Variants in PLEKHA8 observed in about 807,000 individuals in gnomAD.
PLEKHA8 encodes pleckstrin homology domain-containing family A member 8.
Under a neutral mutation model 68.2 loss-of-function variants are expected in PLEKHA8, and 36 were observed. The observed-to-expected ratio is 0.53, with a 90% CI of 0.40 to 0.70. The LOEUF (loss-of-function observed/expected upper bound fraction) is 0.70, where lower values mean the gene tolerates loss of function less well. Ranked by LOEUF, PLEKHA8 falls within the 30% of genes least tolerant of loss-of-function variation. PLEKHA8 has a pLI of 0.00. For synonymous variants in PLEKHA8, 211 were observed against 216.1 expected, an observed-to-expected ratio of 0.98 and a Z score of 0.20; for missense variants, 505 against 615.4, an observed-to-expected ratio of 0.82 and a Z score of 1.90.
At chr7:30,115,678 GCA>G (rs1437248469) in intron 13 of PLEKHA8, among the ~76,000 whole-genome samples, 1 of 149,238 alleles carries the variant, frequency 6.7e-6, no homozygotes, top group South Asian at 2.1e-4. Flanking sequence ...GTATACATAC[GCA>G]CATACATGCA....
rs1052000126 is a variant in PLEKHA8, at chr7:30,079,755, C to G, written c.*968C>G. 1 of 691,136 alleles carries G rather than the reference C, an allele frequency of 1.4e-6. No homozygotes were observed. Among genetic ancestry groups the G allele is most frequent in the Non-Finnish European group, 1.8e-6 (1 of 562,030 alleles). The allele number at this position is 691,136 out of a possible 1,614,324, so 42.8% of individuals were successfully genotyped here. A position where few individuals can be genotyped will look rare whatever the true frequency, so the allele number is the denominator to read the frequency against. Reference sequence around the variant, plus strand: ...CCAGGCCTTATTTTGGCCTAAAGAACCAGAGTCTAGGTGGTGGGACATAGG... The same window carrying G: ...CCAGGCCTTATTTTGGCCTAAAGAAGCAGAGTCTAGGTGGTGGGACATAGG... On this transcript the variant is annotated 3_prime_UTR_variant, in exon 14 of 14. Coordinates refer to ENST00000449726, the MANE Select transcript of PLEKHA8 (RefSeq NM_001197026.2).
At chr7:30,086,532 T>C (rs1020287758), downstream of PLEKHA8, among the ~76,000 whole-genome samples, 1 of 152,202 alleles carries the variant, frequency 6.6e-6, no homozygotes, top group Non-Finnish European at 1.5e-5. Context: ...TGTCCCAACT[T>C]CCAGTGGGTA....
chr7:30,102,192 A>G (rs554401575), intron 13 of PLEKHA8, among the ~76,000 whole-genome samples: 4 of 152,380 alleles, frequency 2.6e-5, no homozygotes, highest in African/African-American at 7.2e-5. Flanking sequence ...GGTGCTCAAC[A>G]TAGTAGGGAA....
chr7:30,072,568 C>G (rs1189241421), intron 12 of PLEKHA8, among the ~76,000 whole-genome samples: 2 of 152,244 alleles, frequency 1.3e-5, no homozygotes, highest in Non-Finnish European at 2.9e-5. Context: ...AAATACCTGA[C>G]TTCCCTTGGC....
chr7:30,035,635 T>C (rs887345048), intron 1 of PLEKHA8, among the ~76,000 whole-genome samples: 5 of 151,984 alleles, frequency 3.3e-5, no homozygotes, highest in Non-Finnish European at 5.9e-5. Context: ...TATATTCTTA[T>C]TTACTTATTT....
intron 9 of PLEKHA8, among the ~76,000 whole-genome samples, chr7:30,059,809 T>C (rs541116494): frequency 9.9e-5 from 15 of 151,982 alleles, no homozygotes; most frequent in African/African-American, 3.6e-4. Flanking sequence ...CTAGTAGGCA[T>C]ATTAACATAG....
chr7:30,092,204 C>T (rs1229837015), downstream of PLEKHA8, among the ~76,000 whole-genome samples: 1 of 152,086 alleles, frequency 6.6e-6, no homozygotes, highest in Non-Finnish European at 1.5e-5. Context: ...AGGATCAAGT[C>T]GGGAATTGTG....
rs558137717 is a variant in PLEKHA8 at position 30,120,164 on chromosome 7, A to C, written c.1363-9102A>C. ...GCTGTAATACAAATAATTAAAAAAAAAAAAACAAAAAAAAAAACAGAAAAT... is the reference window on the plus strand; with the variant it reads ...GCTGTAATACAAATAATTAAAAAAACAAAAACAAAAAAAAAAACAGAAAAT... On this transcript the variant is annotated intron_variant, in intron 13 of 13. Transcript: ENST00000396257. 9.1e-5 allele frequency among the ~76,000 whole-genome samples: 13 copies of C among 143,478 alleles called. No homozygotes were observed. The East Asian group carries it at 1.8e-3, about 20-fold the overall frequency. The allele number at this position is 143,478 out of a possible 152,430, so 94.1% of individuals were successfully genotyped here.
intron 10 of PLEKHA8, among the ~76,000 whole-genome samples, chr7:30,061,329 C>G (rs1210016842): frequency 1.3e-5 from 2 of 152,172 alleles, no homozygotes; most frequent in African/African-American, 2.4e-5. Context: ...GTCTGGGACT[C>G]AAAAGGCCCA....
intron 12 of PLEKHA8, among the ~76,000 whole-genome samples, chr7:30,072,584 C>A (rs555464030): frequency 1.3e-5 from 2 of 152,336 alleles, no homozygotes; most frequent in Admixed American, 6.5e-5. Context: ...TTGGCAATGT[C>A]CTGTGAACCA....
chr7:30,088,928 T>TGGGTGAGGGGGGGGGGGGGGGG (rs1795288029), downstream of PLEKHA8, among the ~76,000 whole-genome samples: 1 of 68,280 alleles, frequency 1.5e-5, no homozygotes. Context: ...GGGGTGGGGG[T>TGGGTGAGGGGGGGGGGGGGGGG]GGGTTGTGGG....
chr7:30,045,187 T>G lies in PLEKHA8; in HGVS notation c.143T>G (p.Val48Gly), dbSNP rs1361056538. The change falls in exon 2 of 14, where the codon GTC becomes GGC. Residue 48 changes from valine (V) to glycine (G), a missense_variant. Coordinates refer to ENST00000449726, the MANE Select transcript of PLEKHA8 (RefSeq NM_001197026.2). Reference protein sequence around the residue: ...KGCKGSIQMAVCEIQVHSVDN... With the variant: ...KGCKGSIQMAGCEIQVHSVDN... ...TGCAAAGGGAGCATACAAATGGCAGTCTGTGAAATTCAAGGTGAGAAATCA... is the reference window on the plus strand; with the variant it reads ...TGCAAAGGGAGCATACAAATGGCAGGCTGTGAAATTCAAGGTGAGAAATCA... 6.2e-7 allele frequency: 1 copy of G among 1,600,650 alleles called. No homozygotes were observed. The highest frequency in any genetic ancestry group is 8.5e-7 in the Non-Finnish European group (1 of 1,172,946).
At chr7:30,056,310 C>CTA (rs1162112994) in intron 9 of PLEKHA8, among the ~76,000 whole-genome samples, 995 of 72,132 alleles carry the variant, frequency 0.014, 24 homozygotes, top group Middle Eastern at 0.028. Context: ...CTCTCTCTCT[C>CTA]TCTATATATA....
Position 30,028,635 on chromosome 7 carries a change from G to C in PLEKHA8, c.-128G>C. On this transcript the variant is annotated 5_prime_UTR_variant, in exon 1 of 14. Coordinates refer to ENST00000449726, the MANE Select transcript of PLEKHA8 (RefSeq NM_001197026.2). ...GAGGCGGGCCGGGCGTCCCCACACC[G>C]GGCCCGGGCGCCGGGAGTGGGCGTC... is the stretch of plus-strand genomic sequence containing the variant. 1 of 670,024 alleles carries C rather than the reference G, an allele frequency of 1.5e-6. No homozygotes were observed. The highest frequency in any genetic ancestry group is 2.1e-6 in the Non-Finnish European group (1 of 475,438). 41.5% of individuals were successfully genotyped at this position (670,024 alleles called of 1,614,324 possible).
downstream of PLEKHA8, among the ~76,000 whole-genome samples, chr7:30,091,248 T>C (rs935582625): frequency 6.6e-5 from 10 of 152,056 alleles, no homozygotes; most frequent in East Asian, 1.9e-3. Context: ...GGGTATTGAT[T>C]TTGTTTTACT....
In PLEKHA8 at chr7:30,028,526, C is replaced by T. The variant is rs1465638816; in HGVS notation, c.-237C>T. 2 of 369,202 alleles carry T rather than the reference C, an allele frequency of 5.4e-6. No individual in the cohort carries two copies. Among genetic ancestry groups the T allele is most frequent in the Non-Finnish European group, 9.6e-6 (2 of 207,592 alleles). The allele number at this position is 369,202 out of a possible 1,614,324, so 22.9% of individuals were successfully genotyped here. A position where few individuals can be genotyped will look rare whatever the true frequency, so the allele number is the denominator to read the frequency against. Reference sequence around the variant, plus strand: ...CCGGGCCTCCTTGTGAACAGCGTGCCGGCTTCGCCCCACGGGTTCACCGGC... The same window carrying T: ...CCGGGCCTCCTTGTGAACAGCGTGCTGGCTTCGCCCCACGGGTTCACCGGC... On this transcript the variant is annotated 5_prime_UTR_variant, in exon 1 of 14. Coordinates refer to ENST00000449726, the MANE Select transcript of PLEKHA8 (RefSeq NM_001197026.2).
At position 30,056,771 on chromosome 7, in the gene PLEKHA8, GTGTGTGTGTGTGTGTA is replaced by G. The variant is rs1295621435; in HGVS notation, c.1039+1431_1039+1446del. Reference sequence around the variant, plus strand: ...TGTGTGTGTGTGTGTGTGTGTGTGTGTGTGTGTGTGTGTGTATATATATATGTTATGTGTATATATA... The same window carrying G: ...TGTGTGTGTGTGTGTGTGTGTGTGTGTATATATATGTTATGTGTATATATA... On this transcript the variant is annotated intron_variant, in intron 9 of 13. Coordinates refer to ENST00000449726, the MANE Select transcript of PLEKHA8 (RefSeq NM_001197026.2). Among the ~76,000 whole-genome samples the G allele has an allele frequency of 6.4e-3, 861 of 133,588 alleles. 13 individuals carry two copies. Among genetic ancestry groups the G allele is most frequent in the African/African-American group, 0.022 (766 of 34,970 alleles). 87.6% of individuals were successfully genotyped at this position (133,588 alleles called of 152,430 possible).
In PLEKHA8 at chr7:30,128,108, T is replaced by A. The variant is rs1186739710; in HGVS notation, c.1363-1158T>A. Among the ~76,000 whole-genome samples, 56 of 151,240 alleles carry A rather than the reference T, an allele frequency of 3.7e-4. 1 individual carries two copies. The highest frequency in any genetic ancestry group is 1.3e-3 in the African/African-American group (52 of 41,224). ...TTTACTGTATTTTTTTTTTTTTTTTTTTTACTTATTTATTTTGAGACAAGG... is the reference window on the plus strand; with the variant it reads ...TTTACTGTATTTTTTTTTTTTTTTTATTTACTTATTTATTTTGAGACAAGG... On this transcript the variant is annotated intron_variant, in intron 13 of 13. Transcript: ENST00000396257.
At chr7:30,118,073 A>G in intron 13 of PLEKHA8, 2 of 1,463,546 alleles carry the variant, frequency 1.4e-6, no homozygotes, top group Non-Finnish European at 1.8e-6. Context: ...GACAGGATGC[A>G]TCACATCTGG....
Sources: gnomAD v4.1 joint callset for allele counts (sites outside exome capture counted in the v4.1 genomes callset) on GRCh38, gnomAD v4.1.1 for gene constraint, MANE v1.5 for transcripts, NCBI Gene and HGNC (gene_info 2026-07-23, HGNC 2026-07-21) for gene names.